The following PTPRD variants were observed in gnomAD, a reference collection of about 807,000 sequenced individuals.
PTPRD encodes the protein protein tyrosine phosphatase receptor type D.
Under a neutral mutation model 214.5 loss-of-function variants are expected in PTPRD, and 34 were observed. The ratio of observed to expected loss-of-function variants is 0.16; its 90% CI spans 0.12 to 0.21. The LOEUF (loss-of-function observed/expected upper bound fraction) is 0.21, where lower values mean the gene tolerates loss of function less well. Among genes scored for constraint, PTPRD ranks in the 10% least tolerant of loss-of-function variants. The pLI is 1.00. For missense variants in PTPRD, 2,545 were observed against 2,398.7 expected (o/e 1.06, Z -1.27); for synonymous variants, 1,128 against 845.7 (o/e 1.33, Z -5.79).
At chr9:9,052,768 A>T (rs2099688762) in intron 10 of PTPRD, among the ~76,000 whole-genome samples, 1 of 152,228 alleles carries the variant, frequency 6.6e-6, no homozygotes, top group Non-Finnish European at 1.5e-5. Context: ...ATAACTTTAC[A>T]GTTTGTAAGC....
At chr9:9,166,634 T>A (rs182915999) in intron 10 of PTPRD, among the ~76,000 whole-genome samples, 24 of 152,320 alleles carry the variant, frequency 1.6e-4, no homozygotes, top group Admixed American at 2.6e-4. Flanking sequence ...GTTTCTTGCT[T>A]GTAGACTACT....
At chr9:10,235,495 A>G (rs1385781520) in intron 3 of PTPRD, among the ~76,000 whole-genome samples, 13 of 152,038 alleles carry the variant, frequency 8.6e-5, no homozygotes. Context: ...CTTAACCATT[A>G]GCCAGCACAT....
chr9:8,999,800 T>G (rs1285497822), intron 11 of PTPRD, among the ~76,000 whole-genome samples: 5 of 151,994 alleles, frequency 3.3e-5, no homozygotes, highest in Admixed American at 3.3e-4. Flanking sequence ...AATCTTAATT[T>G]TCAGAAATGT....
At chr9:10,130,973 T>C (rs1041693201) in intron 3 of PTPRD, among the ~76,000 whole-genome samples, 15 of 152,080 alleles carry the variant, frequency 9.9e-5, no homozygotes, top group Admixed American at 7.9e-4. Flanking sequence ...AAGGAAAGAA[T>C]AGATCCCTAA....
At chr9:8,872,463 A>G (rs2098318290) in intron 11 of PTPRD, among the ~76,000 whole-genome samples, 1 of 152,142 alleles carries the variant, frequency 6.6e-6, no homozygotes, top group Non-Finnish European at 1.5e-5. Flanking sequence ...AAAACTGGGA[A>G]TATGGAGCTT....
chr9:8,780,139 A>C (rs1374434310), intron 11 of PTPRD, among the ~76,000 whole-genome samples: 1 of 152,190 alleles, frequency 6.6e-6, no homozygotes, highest in African/African-American at 2.4e-5. Context: ...ACAAAAGGAA[A>C]TAAAACGACT....
chr9:10,377,205 T>C (rs2097747977), intron 2 of PTPRD, among the ~76,000 whole-genome samples: 1 of 152,012 alleles, frequency 6.6e-6, no homozygotes, highest in African/African-American at 2.4e-5. Context: ...GATCTCCAAT[T>C]CCATCCATGT....
intron 2 of PTPRD, among the ~76,000 whole-genome samples, chr9:10,446,658 G>A (rs1222303694): frequency 6.6e-6 from 1 of 152,042 alleles, no homozygotes; most frequent in Non-Finnish European, 1.5e-5. Flanking sequence ...TATTTTGTGT[G>A]CATGGCATGA....
chr9:10,260,951 C>T (rs2475336), intron 3 of PTPRD, among the ~76,000 whole-genome samples: 21,787 of 144,676 alleles, frequency 0.15, 1,664 homozygotes, highest in African/African-American at 0.18. Flanking sequence ...GGCATATATA[C>T]ATGTGTGTGT....
intron 11 of PTPRD, among the ~76,000 whole-genome samples, chr9:8,913,189 C>T (rs1302278257): frequency 6.6e-6 from 1 of 151,710 alleles, no homozygotes; most frequent in Non-Finnish European, 1.5e-5. Flanking sequence ...TAAACTTTAC[C>T]TTGTGTGTGT....
chr9:8,879,555 T>C (rs1054497777), intron 11 of PTPRD, among the ~76,000 whole-genome samples: 2 of 152,186 alleles, frequency 1.3e-5, no homozygotes, highest in African/African-American at 4.8e-5. Context: ...GGTTGTTATT[T>C]TAGTATTGGA....
chr9:10,289,291 A>C (rs977210597), intron 3 of PTPRD, among the ~76,000 whole-genome samples: 1 of 152,172 alleles, frequency 6.6e-6, no homozygotes, highest in Non-Finnish European at 1.5e-5. Flanking sequence ...AATTTAAGAA[A>C]GCAAGGCAGC....
At chr9:8,689,334 C>G (rs984963073) in intron 12 of PTPRD, among the ~76,000 whole-genome samples, 8 of 152,164 alleles carry the variant, frequency 5.3e-5, no homozygotes, top group African/African-American at 1.9e-4. Flanking sequence ...TTCTTGCTAC[C>G]TGAAGACTTA....
chr9:8,366,133 G>C (rs982767244), intron 39 of PTPRD, among the ~76,000 whole-genome samples: 1 of 152,024 alleles, frequency 6.6e-6, no homozygotes, highest in Admixed American at 6.6e-5. Context: ...CAAAAACAGA[G>C]AGAAAAGAAA....
At chr9:8,771,477 A>G (rs757198356) in intron 11 of PTPRD, among the ~76,000 whole-genome samples, 5 of 152,222 alleles carry the variant, frequency 3.3e-5, no homozygotes, top group Non-Finnish European at 7.3e-5. Flanking sequence ...CACCAAAAAC[A>G]GGTGACAAGT....
At chr9:8,546,340 A>T (rs1181797595) in intron 14 of PTPRD, among the ~76,000 whole-genome samples, 1 of 152,192 alleles carries the variant, frequency 6.6e-6, no homozygotes, top group Non-Finnish European at 1.5e-5. Context: ...AACCTGAGGG[A>T]CTTTAGCAAG....
intron 5 of PTPRD, among the ~76,000 whole-genome samples, chr9:9,933,868 A>G (rs1176948336): frequency 1.3e-5 from 2 of 149,290 alleles, no homozygotes; most frequent in African/African-American, 5.2e-5. Flanking sequence ...CAGAAATTAT[A>G]ACAAACTATC....
intron 2 of PTPRD, among the ~76,000 whole-genome samples, chr9:10,506,121 AG>A (rs2045879767): frequency 6.6e-6 from 1 of 152,310 alleles, no homozygotes; most frequent in East Asian, 1.9e-4. Flanking sequence ...CATATTTCAT[AG>A]AAGAATGTAA....
At chr9:8,507,477 A>G (rs771553884) in intron 21 of PTPRD, 43 bp from the exon 22 acceptor site, 29 of 1,611,714 alleles carry the variant, frequency 1.8e-5, no homozygotes, top group Non-Finnish European at 2.5e-5. Flanking sequence ...AATCACCAGG[A>G]GTATTCACAA....
Sources: allele counts gnomAD v4.1 joint callset (sites outside exome capture counted in the v4.1 genomes callset), GRCh38; gene constraint gnomAD v4.1.1; transcripts MANE v1.5; gene names NCBI Gene and HGNC (gene_info 2026-07-23, HGNC 2026-07-21).